The following REC114 variants were observed in gnomAD, a reference collection of about 807,000 sequenced individuals.
The protein encoded by REC114 is REC114 meiotic recombination protein.
A neutral mutation model predicts 31.3 loss-of-function variants in REC114; 27 were observed. The ratio of observed to expected loss-of-function variants is 0.86; its 90% CI spans 0.64 to 1.19. The LOEUF is 1.19. Among genes scored for constraint, REC114 ranks in the 50% most tolerant of loss-of-function variants. The pLI, the probability that REC114 is intolerant of heterozygous loss-of-function variation, is 0.00. For synonymous variants in REC114, 134 were observed against 127.7 expected, an observed-to-expected ratio of 1.05 and a Z score of -0.33; for missense variants, 344 against 326.9, an observed-to-expected ratio of 1.05 and a Z score of -0.40.
At chr15:73,513,316 C>T (rs1279123007) in intron 2 of REC114, among the ~76,000 whole-genome samples, 1 of 151,780 alleles carries the variant, frequency 6.6e-6, no homozygotes, top group South Asian at 2.1e-4. Flanking sequence ...AAGCACTTCT[C>T]TGTATTGGTT....
intron 1 of REC114, among the ~76,000 whole-genome samples, chr15:73,470,586 C>T (rs1192984272): frequency 1.3e-5 from 2 of 152,080 alleles, no homozygotes; most frequent in African/African-American, 2.4e-5. Flanking sequence ...CTATCCTAGG[C>T]ATTTGAATAT....
In REC114 at chr15:73,473,811, T is replaced by A; in HGVS notation, c.160-21T>A. On this transcript the variant is annotated intron_variant, in intron 1 of 5. Coordinates refer to ENST00000331090, the MANE Select transcript of REC114 (RefSeq NM_001042367.2). ...AGAAATGTATTATCTTTTACATATT[T>A]TTCTCCTTCTCCCTTTCAAGGTTTT... 2.2e-6 allele frequency: 3 copies of A among 1,373,748 alleles called. No individual in the cohort carries two copies. The Admixed American group carries it at 6.1e-5, about 28-fold the overall frequency. 85.1% of individuals were successfully genotyped at this position (1,373,748 alleles called of 1,614,324 possible).
chr15:73,493,493 A>G (rs1893473970), intron 2 of REC114, among the ~76,000 whole-genome samples: 1 of 152,012 alleles, frequency 6.6e-6, no homozygotes, highest in African/African-American at 2.4e-5. Flanking sequence ...ATGTTTTCAT[A>G]GATCTATTAT....
intron 2 of REC114, among the ~76,000 whole-genome samples, chr15:73,521,973 C>T (rs1019331777): frequency 6.6e-6 from 1 of 152,100 alleles, no homozygotes; most frequent in African/African-American, 2.4e-5. Context: ...CAGTACATTA[C>T]AATGAATTGG....
intron 5 of REC114, among the ~76,000 whole-genome samples, chr15:73,558,424 A>G (rs529263303): frequency 6.6e-6 from 1 of 152,344 alleles, no homozygotes; most frequent in South Asian, 2.1e-4. Context: ...GTGTTGCCAG[A>G]TCTTCCAAAT....
At chr15:73,469,977 A>G (rs906150790) in intron 1 of REC114, among the ~76,000 whole-genome samples, 25 of 152,100 alleles carry the variant, frequency 1.6e-4, no homozygotes, top group African/African-American at 6.0e-4. Flanking sequence ...AGCTTGGTAT[A>G]TATTTTTTCT....
At chr15:73,470,123 T>C (rs1173421357) in intron 1 of REC114, among the ~76,000 whole-genome samples, 1 of 152,212 alleles carries the variant, frequency 6.6e-6, no homozygotes, top group Non-Finnish European at 1.5e-5. Context: ...AAATGTACTA[T>C]TATATTTAAT....
At chr15:73,554,772 C>T (rs981161392) in intron 4 of REC114, among the ~76,000 whole-genome samples, 31 of 152,300 alleles carry the variant, frequency 2.0e-4, no homozygotes, top group African/African-American at 7.2e-4. Flanking sequence ...TCCTAGAGCC[C>T]GCTAGCCTCA....
intron 3 of REC114, among the ~76,000 whole-genome samples, chr15:73,541,833 T>C (rs1255239635): frequency 2.0e-5 from 3 of 152,172 alleles, no homozygotes; most frequent in Non-Finnish European, 4.4e-5. Flanking sequence ...TTTTTCTAAA[T>C]ATACATTATT....
chr15:73,522,244 A>T lies in REC114; in HGVS notation c.250-18241A>T, dbSNP rs116390010. ...TTCTTGCCTCTCTGCTTTCACATGTATCATACTACCTGCTTCTTTACTCAG... is the reference window on the plus strand; with the variant it reads ...TTCTTGCCTCTCTGCTTTCACATGTTTCATACTACCTGCTTCTTTACTCAG... On this transcript the variant is annotated intron_variant, in intron 2 of 5. Coordinates refer to ENST00000331090, the MANE Select transcript of REC114 (RefSeq NM_001042367.2). 5.8e-3 allele frequency among the ~76,000 whole-genome samples: 885 copies of T among 152,268 alleles called. 5 individuals are homozygous for T. The highest frequency in any genetic ancestry group is 0.02 in the African/African-American group (843 of 41,552).
At chr15:73,551,627 T>G (rs1894394947) in intron 4 of REC114, among the ~76,000 whole-genome samples, 1 of 152,150 alleles carries the variant, frequency 6.6e-6, no homozygotes, top group Non-Finnish European at 1.5e-5. Flanking sequence ...GAAATAACCC[T>G]GCAGTCTGCA....
intron 3 of REC114, among the ~76,000 whole-genome samples, chr15:73,547,964 A>G (rs188552871): frequency 2.9e-4 from 44 of 152,338 alleles, no homozygotes; most frequent in Non-Finnish European, 8.8e-5. Context: ...GAAACTATCA[A>G]CAAAGTAAAC....
intron 2 of REC114, among the ~76,000 whole-genome samples, chr15:73,518,462 G>A (rs1044076207): frequency 4.6e-5 from 7 of 152,230 alleles, no homozygotes; most frequent in Admixed American, 2.0e-4. Context: ...TGGAAAGAGA[G>A]CTCCTCCTTC....
chr15:73,496,062 T>TA (rs1210616814), intron 2 of REC114, among the ~76,000 whole-genome samples: 3 of 151,978 alleles, frequency 2.0e-5, no homozygotes, highest in African/African-American at 7.2e-5. Flanking sequence ...TTCAGACTTA[T>TA]AAAAAAGTTG....
At chr15:73,455,450 G>A (rs538097858) in intron 1 of REC114, among the ~76,000 whole-genome samples, 30 of 152,110 alleles carry the variant, frequency 2.0e-4, no homozygotes, top group African/African-American at 7.0e-4. Flanking sequence ...CTCTATAGCT[G>A]TTTAATTACA....
At chr15:73,559,569 T>C (rs1184739438) in intron 5 of REC114, among the ~76,000 whole-genome samples, 183 bp from the exon 6 acceptor site, 3 of 152,236 alleles carry the variant, frequency 2.0e-5, no homozygotes, top group Non-Finnish European at 4.4e-5. Context: ...GAATACATAT[T>C]AATATACAAA....
At position 73,520,379 on chromosome 15, in the gene REC114, T is replaced by C. The variant is rs951334593; in HGVS notation, c.250-20106T>C. 3.3e-5 allele frequency among the ~76,000 whole-genome samples: 5 copies of C among 152,112 alleles called. No individual in the cohort carries two copies. In the East Asian group the frequency reaches 7.7e-4, roughly 23 times the overall value. On this transcript the variant is annotated intron_variant, in intron 2 of 5. Transcript: ENST00000331090. ...CTAAGTAGCTGGGATTACAGGCGTG[T>C]GCCACCACACCCGGCTAATTTTTGC...
chr15:73,453,502 C>T (rs545095027), intron 1 of REC114, among the ~76,000 whole-genome samples: 69 of 152,256 alleles, frequency 4.5e-4, no homozygotes, highest in Admixed American at 7.2e-4. Flanking sequence ...GAAATAGGAA[C>T]GCTTTTATAC....
At chr15:73,500,510 A>G (rs1049186861) in intron 2 of REC114, among the ~76,000 whole-genome samples, 1 of 152,184 alleles carries the variant, frequency 6.6e-6, no homozygotes, top group African/African-American at 2.4e-5. Flanking sequence ...AGCAGGTGAG[A>G]TGGAGGCATT....
Sources: allele counts gnomAD v4.1 joint callset (sites outside exome capture counted in the v4.1 genomes callset), GRCh38; gene constraint gnomAD v4.1.1; transcripts MANE v1.5; gene names NCBI Gene and HGNC (gene_info 2026-07-23, HGNC 2026-07-21).